RHOF: variants seen among roughly 807,000 people sequenced by gnomAD.
RHOF encodes rho-related GTP-binding protein RhoF.
In RHOF, 21 loss-of-function variants were observed where a neutral mutation model predicts 22.2. The observed-to-expected ratio is 0.95, with a 90% confidence interval of 0.67 to 1.36. The LOEUF (loss-of-function observed/expected upper bound fraction) is 1.36. Ranked by LOEUF, RHOF falls within the 40% of genes most tolerant of loss-of-function variation. The pLI is 0.00. For missense variants in RHOF, 285 were observed against 293.7 expected, an observed-to-expected ratio of 0.97 and a Z score of 0.22; for synonymous variants, 135 against 131.2, an observed-to-expected ratio of 1.03 and a Z score of -0.20.
intron 2 of RHOF, among the ~76,000 whole-genome samples, chr12:121,783,856 G>A (rs958035597): frequency 3.9e-5 from 6 of 152,044 alleles, no homozygotes; most frequent in Non-Finnish European, 7.4e-5. Flanking sequence ...CACCTGCCTC[G>A]GCCTCCCAGA....
intron 2 of RHOF, among the ~76,000 whole-genome samples, chr12:121,787,463 G>A (rs76153114): frequency 0.014 from 2,122 of 152,324 alleles, 36 homozygotes; most frequent in African/African-American, 0.031. Flanking sequence ...GTTCTTCCAG[G>A]AAGCTGTCCC....
chr12:121,784,893 G>A (rs981155523), intron 2 of RHOF, among the ~76,000 whole-genome samples: 1 of 152,068 alleles, frequency 6.6e-6, no homozygotes, highest in African/African-American at 2.4e-5. Context: ...AACCCACAAG[G>A]GTGGATTCCA....
Position 121,780,922 on chromosome 12 carries a change from G to C in RHOF, c.421C>G (p.Gln141Glu), listed in dbSNP as rs758161621. Residue 141 changes from glutamine (Q) to glutamate (E), a missense_variant, in exon 4 of 5, where the codon CAG becomes GAG. Gln to Glu is a conservative substitution (Grantham distance 29). Coordinates refer to ENST00000267205, the MANE Select transcript of RHOF (RefSeq NM_019034.3). ...TGGGCGGCCCGGAGCTTCCGCAGCTGCTCCTTGTCCTTCCTCAGGTCTGTC... is the reference window on the plus strand; with the variant it reads ...TGGGCGGCCCGGAGCTTCCGCAGCTCCTCCTTGTCCTTCCTCAGGTCTGTC... ...CKTDLRKDKE[Q>E]LRKLRAAQLE... 2.0e-5 allele frequency: 32 copies of C among 1,613,876 alleles called. No individual in the cohort carries two copies. Among genetic ancestry groups the C allele is most frequent in the Non-Finnish European group, 2.6e-5 (31 of 1,179,976 alleles).
In RHOF at chr12:121,779,204, C is replaced by T. The variant is rs370520723; in HGVS notation, c.*294G>A. 9.3e-5 allele frequency: 43 copies of T among 464,846 alleles called. No individual in the cohort carries two copies. The South Asian group carries it at 1.0e-3, about 11-fold the overall frequency. 28.8% of individuals were successfully genotyped at this position (464,846 alleles called of 1,614,324 possible). ...TCATTTCAAGCATAACTTGAGTCTG[C>T]ACTGGGGAGACACTCGTGGTGGGGG... On this transcript the variant is annotated 3_prime_UTR_variant, in exon 5 of 5. Transcript: ENST00000267205.
At position 121,785,418 on chromosome 12, in the gene RHOF, TTTAC is replaced by T. The variant is rs1370518144; in HGVS notation, c.227-4230_227-4227del. Among the ~76,000 whole-genome samples, 330 of 98,116 alleles carry T rather than the reference TTTAC, an allele frequency of 3.4e-3. 2 individuals carry two copies. The highest frequency in any genetic ancestry group is 0.014 in the African/African-American group (282 of 19,510). 64.4% of individuals were successfully genotyped at this position (98,116 alleles called of 152,430 possible). A position where few individuals can be genotyped will look rare whatever the true frequency, so the allele number is the denominator to read the frequency against. ...ACGTCTTCTCTCATTTCTTTTTTTC[TTTAC>T]TTTTTTTTTTTTTTTTTTTTTGGAG... On this transcript the variant is annotated intron_variant, in intron 2 of 4. Transcript: ENST00000267205.
At chr12:121,790,610 T>G (rs909012265) in intron 2 of RHOF, among the ~76,000 whole-genome samples, 2 of 152,206 alleles carry the variant, frequency 1.3e-5, no homozygotes, top group Non-Finnish European at 2.9e-5. Context: ...TGAGCAAGCC[T>G]TCCCTGGTCA....
At chr12:121,782,984 A>G (rs1053437894) in intron 2 of RHOF, 15 of 152,378 alleles carry the variant, frequency 9.8e-5, no homozygotes, top group African/African-American at 3.6e-4. Context: ...ATAAAAAATG[A>G]ATTAACATAA....
intron 2 of RHOF, among the ~76,000 whole-genome samples, chr12:121,791,025 C>T (rs1031890395): frequency 3.9e-5 from 6 of 151,954 alleles, no homozygotes; most frequent in Non-Finnish European, 2.9e-5. Flanking sequence ...AGGTATGTGC[C>T]AACACGCCTG....
rs866674727 is a variant in RHOF at position 121,779,317 on chromosome 12, G to A, written c.*181C>T. On this transcript the variant is annotated 3_prime_UTR_variant, in exon 5 of 5. Coordinates refer to ENST00000267205, the MANE Select transcript of RHOF (RefSeq NM_019034.3). ...CACCATGTCCCAGGGGCAGCCTGGA[G>A]GGGAGTTTGTGGTCAGAGCCCCAGC... 1 of 658,418 alleles carries A rather than the reference G, an allele frequency of 1.5e-6. No homozygotes were observed. The highest frequency in any genetic ancestry group is 2.8e-5 in the East Asian group (1 of 36,272). The allele number at this position is 658,418 out of a possible 1,614,324, so 40.8% of individuals were successfully genotyped here. A position where few individuals can be genotyped will look rare whatever the true frequency, so the allele number is the denominator to read the frequency against.
intron 2 of RHOF, among the ~76,000 whole-genome samples, chr12:121,788,820 C>T (rs1022925605): frequency 5.9e-5 from 9 of 152,008 alleles, no homozygotes; most frequent in Non-Finnish European, 8.8e-5. Context: ...GGGGCAGTGC[C>T]GGGAGGCAGG....
At chr12:121,788,623 A>G (rs1168667) in intron 2 of RHOF, among the ~76,000 whole-genome samples, 27,317 of 152,152 alleles carry the variant, frequency 0.18, 2,899 homozygotes, top group Admixed American at 0.27. Flanking sequence ...CATTCTGGGC[A>G]GGACTGTTCA....
In RHOF at chr12:121,778,736, C is replaced by G. The variant is rs1307011174; in HGVS notation, c.*762G>C. On this transcript the variant is annotated 3_prime_UTR_variant, in exon 5 of 5. Coordinates refer to ENST00000267205, the MANE Select transcript of RHOF (RefSeq NM_019034.3). Reference sequence around the variant, plus strand: ...GTCCTACCACAGTGGGGGGAACAGTCCACAGAAAACTTGCTCATGACCACA... The same window carrying G: ...GTCCTACCACAGTGGGGGGAACAGTGCACAGAAAACTTGCTCATGACCACA... 6.6e-6 allele frequency: 1 copy of G among 152,228 alleles called. No homozygotes were observed. Among genetic ancestry groups the G allele is most frequent in the Non-Finnish European group, 1.5e-5 (1 of 68,084 alleles). The allele number at this position is 152,228 out of a possible 1,614,324, so 9.4% of individuals were successfully genotyped here. A position where few individuals can be genotyped will look rare whatever the true frequency, so the allele number is the denominator to read the frequency against.
Position 121,787,628 on chromosome 12 carries a change from G to T in RHOF, c.226+5524C>A, listed in dbSNP as rs139544711. 4.7e-3 allele frequency among the ~76,000 whole-genome samples: 693 copies of T among 148,356 alleles called. 10 individuals carry two copies. Among genetic ancestry groups the T allele is most frequent in the African/African-American group, 0.016 (631 of 39,096 alleles). ...ATAAAAGTCATGGTCTAGACCGGGCGCTGTGGCGCATGCTTGTAATCCCAG... is the reference window on the plus strand; with the variant it reads ...ATAAAAGTCATGGTCTAGACCGGGCTCTGTGGCGCATGCTTGTAATCCCAG... On this transcript the variant is annotated intron_variant, in intron 2 of 4. Coordinates refer to ENST00000267205, the MANE Select transcript of RHOF (RefSeq NM_019034.3).
chr12:121,779,723 T>C, intron 4 of RHOF, 61 bp from the exon 5 acceptor site: 4 of 1,580,202 alleles, frequency 2.5e-6, no homozygotes, highest in Non-Finnish European at 3.5e-6. Context: ...TAGCACCACC[T>C]GGTGGGTTTG....
chr12:121,793,256 C>T lies in RHOF; in HGVS notation c.139-17G>A. ...GGCGTAGTGCTGCGGGAGAGGGGGT[C>T]GGGTTGGTCCTTAGTGGGGCCGGCG... On this transcript the variant is annotated splice_polypyrimidine_tract_variant and intron_variant, in intron 1 of 4. Transcript: ENST00000267205. 6.5e-7 allele frequency: 1 copy of T among 1,549,558 alleles called. No homozygotes were observed. The highest frequency in any genetic ancestry group is 8.7e-7 in the Non-Finnish European group (1 of 1,145,788).
chr12:121,793,125 G>T lies in RHOF; in HGVS notation c.226+27C>A, dbSNP rs772139635. On this transcript the variant is annotated intron_variant, in intron 2 of 4. Coordinates refer to ENST00000267205, the MANE Select transcript of RHOF (RefSeq NM_019034.3). Reference sequence around the variant, plus strand: ...AACCCTTCGGGCGGGCGGACCCTCGGGCCCCCCGGCGCGCAGGCGCACTCA... The same window carrying T: ...AACCCTTCGGGCGGGCGGACCCTCGTGCCCCCCGGCGCGCAGGCGCACTCA... 2.6e-6 allele frequency: 4 copies of T among 1,544,260 alleles called. No individual in the cohort carries two copies. The African/African-American group carries it at 5.5e-5, about 21-fold the overall frequency.
intron 2 of RHOF, 162 bp from the exon 3 acceptor site, chr12:121,781,354 G>A (rs1044981101): frequency 8.0e-6 from 5 of 628,434 alleles, no homozygotes; most frequent in African/African-American, 5.5e-5. Context: ...GCCTGTGGTC[G>A]CAGCTACTCG....
rs753705217 is a variant in RHOF, at chr12:121,780,886, T to C, written c.457A>G (p.Ile153Val). 2.7e-5 allele frequency: 44 copies of C among 1,613,476 alleles called. No individual in the cohort carries two copies. Among genetic ancestry groups the C allele is most frequent in the African/African-American group, 5.3e-5 (4 of 74,936 alleles). ...CCCCGGCCCACCTGCATGTAGGTGA[T>C]GGGCTCCAGCTGGGCGGCCCGGAGC... ...RKLRAAQLEP[I>V]TYMQGLSACE... Residue 153 changes from isoleucine (I) to valine (V), a missense_variant, in exon 4 of 5, where the codon ATC (isoleucine) becomes GTC (valine). Transcript: ENST00000267205.
intron 2 of RHOF, among the ~76,000 whole-genome samples, chr12:121,783,546 G>A (rs1042940426): frequency 2.6e-5 from 4 of 151,946 alleles, no homozygotes; most frequent in East Asian, 1.9e-4. Flanking sequence ...GCAATGGCGC[G>A]ATCTCGGCTC....
Sources: allele counts gnomAD v4.1 joint callset (sites outside exome capture counted in the v4.1 genomes callset), GRCh38; gene constraint gnomAD v4.1.1; transcripts MANE v1.5; gene names NCBI Gene and HGNC (gene_info 2026-07-23, HGNC 2026-07-21).